NR2F1-AS1: variants seen among roughly 807,000 people sequenced by gnomAD.
NR2F1-AS1 encodes the protein NR2F1 antisense RNA 1.
At chr5:93,478,552 T>C (rs1750536107) in intron 4 of NR2F1-AS1, among the ~76,000 whole-genome samples, 1 of 152,042 alleles carries the variant, frequency 6.6e-6, no homozygotes, top group Admixed American at 6.6e-5. Context: ...TACAGGTGTG[T>C]GCCACCACGC....
chr5:93,467,086 G>C (rs1022670745), intron 4 of NR2F1-AS1, among the ~76,000 whole-genome samples: 1 of 152,072 alleles, frequency 6.6e-6, no homozygotes, highest in Admixed American at 6.6e-5. Context: ...AGTTTTAGTA[G>C]AGATGCAGTT....
chr5:93,505,294 C>G (rs537797664), intron 4 of NR2F1-AS1, among the ~76,000 whole-genome samples: 1 of 152,292 alleles, frequency 6.6e-6, no homozygotes, highest in East Asian at 1.9e-4. Flanking sequence ...GCCTCCCTTC[C>G]CAGCTGCTTT....
chr5:93,576,176 T>C (rs1752889614), intron 1 of NR2F1-AS1, among the ~76,000 whole-genome samples: 2 of 152,178 alleles, frequency 1.3e-5, no homozygotes, highest in Non-Finnish European at 2.9e-5. Flanking sequence ...TAGCCAAGGA[T>C]CAACTAACAC....
intron 4 of NR2F1-AS1, among the ~76,000 whole-genome samples, chr5:93,467,499 G>A (rs1002551451): frequency 2.0e-5 from 3 of 152,232 alleles, no homozygotes; most frequent in South Asian, 2.1e-4. Context: ...GCCCTCATCA[G>A]GCCAGTGCTC....
At chr5:93,530,623 C>T (rs1751716733) in intron 4 of NR2F1-AS1, among the ~76,000 whole-genome samples, 2 of 152,112 alleles carry the variant, frequency 1.3e-5, no homozygotes, top group African/African-American at 4.8e-5. Flanking sequence ...CTAACTGCCC[C>T]CTCTTAAAAT....
At chr5:93,537,913 C>A (rs1333914400) in intron 4 of NR2F1-AS1, among the ~76,000 whole-genome samples, 4 of 152,242 alleles carry the variant, frequency 2.6e-5, no homozygotes, top group Admixed American at 2.6e-4. Context: ...ACATTTTACT[C>A]ATGTCTGTGT....
intron 4 of NR2F1-AS1, among the ~76,000 whole-genome samples, chr5:93,503,685 C>G (rs1751129354): frequency 6.6e-6 from 1 of 152,170 alleles, no homozygotes; most frequent in African/African-American, 2.4e-5. Flanking sequence ...GATAAGCAGC[C>G]TCTAATAAAC....
At chr5:93,438,025 T>G (rs189684561) in intron 4 of NR2F1-AS1, among the ~76,000 whole-genome samples, 1 of 152,312 alleles carries the variant, frequency 6.6e-6, no homozygotes, top group East Asian at 1.9e-4. Context: ...ATTTGTTTCC[T>G]GACCAGCATA....
chr5:93,515,953 A>T (rs1751392986), intron 4 of NR2F1-AS1, among the ~76,000 whole-genome samples: 1 of 151,902 alleles, frequency 6.6e-6, no homozygotes, highest in Admixed American at 6.6e-5. Flanking sequence ...ACATAGTAAG[A>T]ACAGAAATTA....
At chr5:93,435,169 A>AT (rs1423782795) in intron 4 of NR2F1-AS1, among the ~76,000 whole-genome samples, 1 of 152,038 alleles carries the variant, frequency 6.6e-6, no homozygotes, top group Non-Finnish European at 1.5e-5. Context: ...CAAAATGGTG[A>AT]TTTTCTAATA....
chr5:93,566,814 T>C, intron 1 of NR2F1-AS1, among the ~76,000 whole-genome samples: 1 of 151,950 alleles, frequency 6.6e-6, no homozygotes, highest in East Asian at 1.9e-4. Flanking sequence ...TACAACTTAG[T>C]TTATACAAAT....
chr5:93,583,318 C>T (rs1182826838), upstream of NR2F1-AS1: 1 of 151,242 alleles, frequency 6.6e-6, no homozygotes, highest in Non-Finnish European at 1.5e-5. Flanking sequence ...CTCTCTCTCT[C>T]TCTCTCCTCT....
At chr5:93,430,337 C>A (rs1446821533) in intron 4 of NR2F1-AS1, among the ~76,000 whole-genome samples, 1 of 152,164 alleles carries the variant, frequency 6.6e-6, no homozygotes, top group Non-Finnish European at 1.5e-5. Flanking sequence ...CGAAGCACTG[C>A]ACTCTTCGTG....
At chr5:93,475,040 C>A (rs938954936) in intron 4 of NR2F1-AS1, among the ~76,000 whole-genome samples, 1 of 150,624 alleles carries the variant, frequency 6.6e-6, no homozygotes, top group Non-Finnish European at 1.5e-5. Flanking sequence ...AGGAGAATGG[C>A]GTGAACCTGG....
intron 4 of NR2F1-AS1, among the ~76,000 whole-genome samples, chr5:93,488,097 T>G (rs1028396286): frequency 2.0e-5 from 3 of 152,180 alleles, no homozygotes; most frequent in Admixed American, 2.0e-4. Flanking sequence ...TAACTCAACA[T>G]GGATTAAAGA....
chr5:93,448,543 A>G (rs1460838810), intron 4 of NR2F1-AS1, among the ~76,000 whole-genome samples: 2 of 152,308 alleles, frequency 1.3e-5, no homozygotes, highest in South Asian at 2.1e-4. Flanking sequence ...GCAAAATCCA[A>G]CTCTCTATAA....
chr5:93,582,125 C>T (rs1246361349), upstream of NR2F1-AS1, among the ~76,000 whole-genome samples: 1 of 142,912 alleles, frequency 7.0e-6, no homozygotes, highest in Admixed American at 7.0e-5. Flanking sequence ...CCGCCTCCCC[C>T]CCTCTCCATC....
chr5:93,549,025 A>T (rs1752161376), intron 4 of NR2F1-AS1, among the ~76,000 whole-genome samples: 1 of 152,204 alleles, frequency 6.6e-6, no homozygotes, highest in Non-Finnish European at 1.5e-5. Context: ...GTAATAACTG[A>T]TTATATATAT....
intron 4 of NR2F1-AS1, among the ~76,000 whole-genome samples, chr5:93,428,056 G>A (rs970157657): frequency 5.3e-5 from 8 of 152,142 alleles, no homozygotes; most frequent in African/African-American, 1.9e-4. Context: ...TATAGTTATG[G>A]ATGCTATACA....
Sources: gnomAD v4.1 joint callset for allele counts (sites outside exome capture counted in the v4.1 genomes callset) on GRCh38, gnomAD v4.1.1 for gene constraint, MANE v1.5 for transcripts, NCBI Gene and HGNC (gene_info 2026-07-23, HGNC 2026-07-21) for gene names.